LNPK: variants seen among roughly 807,000 people sequenced by gnomAD.
LNPK encodes the protein endoplasmic reticulum junction formation protein lunapark.
In LNPK, 29 loss-of-function variants were observed where a neutral mutation model predicts 55.2. The observed-to-expected ratio is 0.53, with a 90% CI of 0.39 to 0.72. The LOEUF (loss-of-function observed/expected upper bound fraction) is 0.72, where lower values mean the gene tolerates loss of function less well. Ranked by LOEUF, LNPK falls within the 30% of genes least tolerant of loss-of-function variation. LNPK has a pLI of 0.00. For missense variants in LNPK, 467 were observed against 494.8 expected (o/e 0.94, Z 0.53); for synonymous variants, 162 against 168.2 (o/e 0.96, Z 0.29).
intron 4 of LNPK, among the ~76,000 whole-genome samples, chr2:175,980,598 T>C (rs538512751): frequency 3.9e-5 from 6 of 152,266 alleles, no homozygotes; most frequent in Non-Finnish European, 5.9e-5. Context: ...CTCTTCTCCA[T>C]AGAACCTGGC....
At chr2:175,989,728 T>C (rs968112333) in intron 4 of LNPK, among the ~76,000 whole-genome samples, 1 of 152,126 alleles carries the variant, frequency 6.6e-6, no homozygotes, top group Non-Finnish European at 1.5e-5. Flanking sequence ...GATTTAAGTT[T>C]CAGTAATAGT....
At chr2:175,991,499 A>AT (rs373618060) in intron 4 of LNPK, among the ~76,000 whole-genome samples, 17 of 152,140 alleles carry the variant, frequency 1.1e-4, no homozygotes, top group South Asian at 4.1e-4. Context: ...AAACAAACAC[A>AT]TTTTTTTATA....
chr2:175,969,349 A>G (rs1282648865), intron 6 of LNPK, among the ~76,000 whole-genome samples: 2 of 152,210 alleles, frequency 1.3e-5, no homozygotes, highest in Non-Finnish European at 2.9e-5. Context: ...TTTAAAGGCT[A>G]TTTAAAAAGT....
chr2:175,963,569 G>A (rs1686177372), intron 8 of LNPK, among the ~76,000 whole-genome samples: 1 of 152,106 alleles, frequency 6.6e-6, no homozygotes, highest in Non-Finnish European at 1.5e-5. Context: ...GTGGTGGCGG[G>A]GGAGGGATAG....
intron 9 of LNPK, among the ~76,000 whole-genome samples, chr2:175,942,926 A>G (rs925604130): frequency 1.4e-5 from 2 of 145,366 alleles, no homozygotes; most frequent in African/African-American, 2.5e-5. Context: ...ACTAATCAGG[A>G]AAAAAAAAAA....
At chr2:175,980,018 G>C in intron 4 of LNPK, 150 bp from the exon 5 acceptor site, 1 of 675,908 alleles carries the variant, frequency 1.5e-6, no homozygotes, top group Non-Finnish European at 2.3e-6. Flanking sequence ...ATTTCTGCCA[G>C]AGAACATCAG....
chr2:175,958,655 C>T (rs1009391056), intron 8 of LNPK, among the ~76,000 whole-genome samples: 3 of 152,130 alleles, frequency 2.0e-5, no homozygotes, highest in African/African-American at 7.2e-5. Flanking sequence ...AACCAGAGCA[C>T]CTCTTCTCTT....
At chr2:175,972,349 A>G (rs1686701024) in intron 5 of LNPK, among the ~76,000 whole-genome samples, 3 of 152,128 alleles carry the variant, frequency 2.0e-5, no homozygotes, top group Admixed American at 2.0e-4. Flanking sequence ...ATTTTGGAAT[A>G]TCTGCAGAAT....
chr2:175,982,350 T>C (rs1326368035), intron 4 of LNPK, among the ~76,000 whole-genome samples: 1 of 152,144 alleles, frequency 6.6e-6, no homozygotes, highest in East Asian at 1.9e-4. Context: ...TCAGTGTAAA[T>C]ACTACAAAAA....
At position 175,964,357 on chromosome 2, in the gene LNPK, T is replaced by C. The variant is rs1441945895; in HGVS notation, c.493+15A>G. On this transcript the variant is annotated intron_variant, in intron 8 of 12. Coordinates refer to ENST00000272748, the MANE Select transcript of LNPK (RefSeq NM_030650.3). ...TCTTTCCAACAGCAGCAGCAGTTTC[T>C]ACTAAGTTATTTACCTTGTCCAGGT... 3 of 1,609,280 alleles carry C rather than the reference T, an allele frequency of 1.9e-6. No individual in the cohort carries two copies. The highest frequency in any genetic ancestry group is 2.6e-6 in the Non-Finnish European group (3 of 1,175,914).
chr2:175,976,470 G>A (rs544788599), intron 5 of LNPK, among the ~76,000 whole-genome samples: 1 of 152,212 alleles, frequency 6.6e-6, no homozygotes, highest in Non-Finnish European at 1.5e-5. Context: ...GGTCACACAA[G>A]GTATCCAGAT....
intron 8 of LNPK, among the ~76,000 whole-genome samples, chr2:175,959,534 C>A (rs1685894919): frequency 6.6e-6 from 1 of 152,122 alleles, no homozygotes; most frequent in Admixed American, 6.5e-5. Flanking sequence ...CACCACCAGG[C>A]CTGCCTTACA....
At chr2:175,995,804 CTTT>C (rs10674444) in intron 1 of LNPK, among the ~76,000 whole-genome samples, 158 bp from the exon 2 acceptor site, 11 of 66,426 alleles carry the variant, frequency 1.7e-4, no homozygotes, top group African/African-American at 2.8e-4. Context: ...TAGAGTCTAC[CTTT>C]TTTTTTTTTT....
chr2:175,927,107 C>T lies in LNPK; in HGVS notation c.*2860G>A, dbSNP rs934316504. 2 of 151,926 alleles carry T rather than the reference C, an allele frequency of 1.3e-5. No individual in the cohort carries two copies. Among genetic ancestry groups the T allele is most frequent in the African/African-American group, 2.4e-5 (1 of 41,342 alleles). The allele number at this position is 151,926 out of a possible 1,614,324, so 9.4% of individuals were successfully genotyped here. A position where few individuals can be genotyped will look rare whatever the true frequency, so the allele number is the denominator to read the frequency against. ...TTAAGGAACACCAACACTTACAGGA[C>T]GTTGAGAGCAAGAGGCCAGAGAAAT... On this transcript the variant is annotated 3_prime_UTR_variant, in exon 13 of 13. Coordinates refer to ENST00000272748, the MANE Select transcript of LNPK (RefSeq NM_030650.3).
At chr2:175,960,208 C>T (rs1161868974) in intron 8 of LNPK, among the ~76,000 whole-genome samples, 2 of 152,134 alleles carry the variant, frequency 1.3e-5, no homozygotes, top group Admixed American at 6.5e-5. Flanking sequence ...ACCAAGCTGC[C>T]TTAATAGGGA....
At chr2:175,946,412 T>C (rs1685123483) in intron 9 of LNPK, among the ~76,000 whole-genome samples, 1 of 152,182 alleles carries the variant, frequency 6.6e-6, no homozygotes, top group Admixed American at 6.5e-5. Context: ...GCCTTAAGTA[T>C]TGTCATTATA....
At position 175,929,787 on chromosome 2, in the gene LNPK, C is replaced by T. The variant is rs1684174048; in HGVS notation, c.*180G>A. On this transcript the variant is annotated 3_prime_UTR_variant, in exon 13 of 13. Transcript: ENST00000272748. ...GATCTTACTTCACTGATATAACTTG[C>T]TTTTAATTTTAATACCCAGTATATA... The T allele has an allele frequency of 9.8e-6, 14 of 1,424,206 alleles. No homozygotes were observed. The South Asian group carries it at 1.9e-4, about 19-fold the overall frequency. 88.2% of individuals were successfully genotyped at this position (1,424,206 alleles called of 1,614,324 possible). A position where few individuals can be genotyped will look rare whatever the true frequency, so the allele number is the denominator to read the frequency against.
At chr2:175,976,540 C>T (rs1025043324) in intron 5 of LNPK, among the ~76,000 whole-genome samples, 1 of 152,266 alleles carries the variant, frequency 6.6e-6, no homozygotes, top group East Asian at 1.9e-4. Context: ...ATTAGCATTT[C>T]AATCAGTACA....
chr2:176,002,391 G>C, upstream of LNPK: 1 of 354,548 alleles, frequency 2.8e-6, no homozygotes, highest in Non-Finnish European at 5.4e-6. Flanking sequence ...GTTGGGGCGG[G>C]TCGGCCGGGA....
Sources: allele counts gnomAD v4.1 joint callset (sites outside exome capture counted in the v4.1 genomes callset), GRCh38; gene constraint gnomAD v4.1.1; transcripts MANE v1.5; gene names NCBI Gene and HGNC (gene_info 2026-07-23, HGNC 2026-07-21).